Variants in NLRP6 observed in about 807,000 individuals in gnomAD.
NLRP6 encodes NACHT, LRR and PYD domains-containing protein 6.
Under a neutral mutation model 70.9 loss-of-function variants are expected in NLRP6, and 55 were observed. That is an observed-to-expected ratio of 0.78 (90% CI 0.62 to 0.97). NLRP6 has a LOEUF of 0.97. Ranked by LOEUF, NLRP6 falls within the 50% of genes least tolerant of loss-of-function variation. The pLI, the probability that NLRP6 is intolerant of heterozygous loss-of-function variation, is 0.00. For synonymous variants in NLRP6, 652 were observed against 581.9 expected (o/e 1.12, Z -1.73); for missense variants, 1,241 against 1,238.3 (o/e 1.00, Z -0.03).
chr11:283,353 G>A (rs1039127619), intron 5 of NLRP6, among the ~76,000 whole-genome samples: 20 of 132,838 alleles, frequency 1.5e-4, no homozygotes, highest in Non-Finnish European at 1.7e-4. Flanking sequence ...TCGCTCTGTC[G>A]CCCAGGCTGG....
In NLRP6 at chr11:283,967, C is replaced by T. The variant is rs147701173; in HGVS notation, c.2199-263C>T. On this transcript the variant is annotated intron_variant, in intron 5 of 7. Coordinates refer to ENST00000534750, the MANE Select transcript of NLRP6 (RefSeq NM_001276700.2). ...GAGTTGGCCACCTCATCTTGGTGGA[C>T]GATTGTGCGGCAAACATGTTGAAAC... Among the ~76,000 whole-genome samples the T allele has an allele frequency of 6.5e-3, 986 of 152,006 alleles. 7 individuals carry two copies. The highest frequency in any genetic ancestry group is 0.011 in the Non-Finnish European group (760 of 67,968).
intron 1 of NLRP6, 51 bp from the exon 2 acceptor site, chr11:279,276 G>T: frequency 8.2e-7 from 1 of 1,226,172 alleles, no homozygotes; most frequent in Non-Finnish European, 1.0e-6. Context: ...GGGGGCGGGC[G>T]GGGGTCACCC....
rs1187063423 is a variant in NLRP6 at position 278,736 on chromosome 11, C to A, written c.29+138C>A. The A allele has an allele frequency of 2.3e-5, 13 of 562,526 alleles. No individual in the cohort carries two copies. The highest frequency in any genetic ancestry group is 3.9e-5 in the Non-Finnish European group (13 of 330,780). 34.8% of individuals were successfully genotyped at this position (562,526 alleles called of 1,614,324 possible). A position where few individuals can be genotyped will look rare whatever the true frequency, so the allele number is the denominator to read the frequency against. On this transcript the variant is annotated intron_variant, in intron 1 of 7. Coordinates refer to ENST00000534750, the MANE Select transcript of NLRP6 (RefSeq NM_001276700.2). The surrounding 1 kb of genome is among the most constrained non-coding windows in gnomAD (Gnocchi z 4.7). ...CCACCCTCACTCCCAGGCTCAGGAGCCAAGCACTGCCTCCCCACAGAGGGC... is the reference window on the plus strand; with the variant it reads ...CCACCCTCACTCCCAGGCTCAGGAGACAAGCACTGCCTCCCCACAGAGGGC...
Position 280,873 on chromosome 11 carries a change from C to A in NLRP6, c.1139C>A (p.Thr380Lys), listed in dbSNP as rs760226719. 9.3e-6 allele frequency: 15 copies of A among 1,613,284 alleles called. No homozygotes were observed. Among genetic ancestry groups the A allele is most frequent in the Non-Finnish European group, 1.3e-5 (15 of 1,179,946 alleles). The change falls in exon 4 of 8, where the codon ACG becomes AAG. Residue 380 changes from threonine (T) to lysine (K), a missense_variant. Thr to Lys is a moderately conservative substitution (Grantham distance 78, BLOSUM62 -1). Coordinates refer to ENST00000534750, the MANE Select transcript of NLRP6 (RefSeq NM_001276700.2). ...RAYRFVKENE[T>K]LFALCFVPFV... The stretch of plus-strand genomic sequence containing the variant: ...TACCGCTTCGTGAAGGAGAACGAGA[C>A]GCTGTTCGCGCTGTGCTTCGTGCCC...
chr11:279,190 C>T, intron 1 of NLRP6, 137 bp from the exon 2 acceptor site: 1 of 761,252 alleles, frequency 1.3e-6, no homozygotes. Flanking sequence ...CCTCCCGCCA[C>T]CCCATGGATC....
Position 279,845 on chromosome 11 carries a change from G to A in NLRP6, c.322G>A (p.Gly108Ser), listed in dbSNP as rs765169020. 94 of 1,569,540 alleles carry A rather than the reference G, an allele frequency of 6.0e-5. No homozygotes were observed. The highest frequency in any genetic ancestry group is 8.0e-5 in the Non-Finnish European group (93 of 1,161,716). ...AGTTTCCCTTCCAGGGCTCGGGCTC[G>A]GCTCCGGGACGCTGCTCTCCGTGTC... ...QERRLQRLGL[G>S]SGTLLSVSEY... Residue 108 changes from glycine (G) to serine (S), a missense_variant, in exon 3 of 8, where the codon GGC becomes AGC. By Grantham distance (56) the Gly-to-Ser change is moderately conservative. Coordinates refer to ENST00000534750, the MANE Select transcript of NLRP6 (RefSeq NM_001276700.2).
Position 280,264 on chromosome 11 carries a change from C to T in NLRP6, c.530C>T (p.Ser177Leu). 6.6e-7 allele frequency: 1 copy of T among 1,519,204 alleles called. No individual in the cohort carries two copies. Among genetic ancestry groups the T allele is most frequent in the East Asian group, 2.5e-5 (1 of 39,926 alleles). The allele number at this position is 1,519,204 out of a possible 1,614,324, so 94.1% of individuals were successfully genotyped here. Residue 177 changes from serine to leucine, a missense_variant, in exon 4 of 8, where the codon TCG becomes TTG. By Grantham distance (145) the Ser-to-Leu change is moderately radical. Transcript: ENST00000534750. Reference protein sequence around the residue: ...EEPEPGRARRSDTHTFNRLFR... With the variant: ...EEPEPGRARRLDTHTFNRLFR... ...CCTGAGCCGGGGCGCGCGCGGCGCT[C>T]GGACACGCACACTTTCAACCGCCTC...
Position 280,109 on chromosome 11 carries a change from C to A in NLRP6, c.375C>A (p.His125Gln), listed in dbSNP as rs1460635714. The stretch of plus-strand genomic sequence containing the variant: ...AGTACAAGAAGAAGTACCGGGAGCA[C>A]GTGCTGCAGCTGCACGCTCGGGTGA... ...VSEYKKKYRE[H>Q]VLQLHARVKE... The change falls in exon 4 of 8, where the codon CAC (histidine) becomes CAA (glutamine). Residue 125 changes from histidine to glutamine, a missense_variant. Transcript: ENST00000534750. 6 of 1,522,686 alleles carry A rather than the reference C, an allele frequency of 3.9e-6. No homozygotes were observed. In the South Asian group the frequency reaches 5.0e-5, roughly 13 times the overall value. The allele number at this position is 1,522,686 out of a possible 1,614,324, so 94.3% of individuals were successfully genotyped here. A position where few individuals can be genotyped will look rare whatever the true frequency, so the allele number is the denominator to read the frequency against.
chr11:280,219 C>T lies in NLRP6; in HGVS notation c.485C>T (p.Ala162Val), dbSNP rs1253547682. 3.2e-6 allele frequency: 5 copies of T among 1,545,484 alleles called. No individual in the cohort carries two copies. Among genetic ancestry groups the T allele is most frequent in the Non-Finnish European group, 4.4e-6 (5 of 1,145,344 alleles). The change falls in exon 4 of 8, where the codon GCG becomes GTG. Residue 162 changes from alanine to valine, a missense_variant. Physicochemically the swap from Ala to Val is moderately conservative, Grantham distance 64. Coordinates refer to ENST00000534750, the MANE Select transcript of NLRP6 (RefSeq NM_001276700.2). ...IAPESAAPEE[A>V]MGPAEEPEPG... is the part of the protein sequence containing the mutation. ...CCCGAGAGCGCCGCCCCGGAGGAGG[C>T]GATGGGGCCCGCGGAAGAGCCTGAG...
Position 281,510 on chromosome 11 carries a change from G to A in NLRP6, c.1776G>A (p.Glu592=), listed in dbSNP as rs764837151. The A allele has an allele frequency of 1.1e-5, 17 of 1,604,992 alleles. No homozygotes were observed. The highest frequency in any genetic ancestry group is 2.2e-5 in the South Asian group (2 of 89,780). ...AGGGCTGCCCCGGAGTGGCACCAGA[G>A]GTGACCGAGGGGGCCAAAGGGCTCG... The part of the protein sequence containing the change: ...QGQGCPGVAP[E]VTEGAKGLED... Residue 592 remains glutamate (E), a synonymous_variant, in exon 4 of 8, where the codon GAG becomes GAA. Transcript: ENST00000534750.
In NLRP6 at chr11:279,430, G is replaced by A. The variant is rs1277467014; in HGVS notation, c.133G>A (p.Gly45Ser). ...CTTCCGCCACAAGCTGCGCGACGTG[G>A]GCCCGGACGGACGCAGCATCCCGTG... ...KRFRHKLRDV[G>S]PDGRSIPWGR... The change falls in exon 2 of 8, where the codon GGC becomes AGC. Residue 45 changes from glycine to serine, a missense_variant. Gly to Ser is a moderately conservative substitution (Grantham distance 56). Coordinates refer to ENST00000534750, the MANE Select transcript of NLRP6 (RefSeq NM_001276700.2). The A allele has an allele frequency of 1.0e-5, 14 of 1,385,484 alleles. No homozygotes were observed. Among genetic ancestry groups the A allele is most frequent in the Non-Finnish European group, 1.3e-5 (14 of 1,072,690 alleles). 85.8% of individuals were successfully genotyped at this position (1,385,484 alleles called of 1,614,324 possible).
chr11:282,771 C>G lies in NLRP6; in HGVS notation c.2172C>G (p.Asp724Glu), dbSNP rs1484944639. 1 of 1,613,590 alleles carries G rather than the reference C, an allele frequency of 6.2e-7. No homozygotes were observed. Among genetic ancestry groups the G allele is most frequent in the African/African-American group, 1.3e-5 (1 of 74,914 alleles). The change falls in exon 5 of 8, where the codon GAC (aspartate) becomes GAG (glutamate). Residue 724 changes from aspartate to glutamate, a missense_variant. Asp to Glu is a conservative substitution (Grantham distance 45). Transcript: ENST00000534750. ...LLHPLFQAMT[D>E]PLCHLSSLTL... The stretch of plus-strand genomic sequence containing the variant: ...ATCCACTCTTTCAGGCAATGACTGA[C>G]CCACTGTGCCATCTGAGCAGCCTCA...
At position 285,294 on chromosome 11, in the gene NLRP6, C is replaced by T. The variant is rs776079117; in HGVS notation, c.2666C>T (p.Ser889Leu). The T allele has an allele frequency of 1.9e-6, 3 of 1,608,958 alleles. No homozygotes were observed. Among genetic ancestry groups the T allele is most frequent in the African/African-American group, 1.3e-5 (1 of 74,838 alleles). ...GHPQPPKELI[S>L]TF ...CCACAACCTCCCAAGGAACTCATCT[C>T]GACCTTCTGAGGCTCTGGTGGCCAG... The change falls in exon 8 of 8, where the codon TCG becomes TTG. Residue 889 changes from serine to leucine, a missense_variant. Coordinates refer to ENST00000534750, the MANE Select transcript of NLRP6 (RefSeq NM_001276700.2).
At chr11:279,755 C>T in intron 2 of NLRP6, 79 bp from the exon 3 acceptor site, 1 of 1,472,000 alleles carries the variant, frequency 6.8e-7, no homozygotes, top group Non-Finnish European at 9.1e-7. Context: ...CCTGCGTGCT[C>T]CTCAGGGTGA....
intron 7 of NLRP6, 56 bp from the exon 8 acceptor site, chr11:285,110 G>A (rs12292748): frequency 0.028 from 43,604 of 1,538,088 alleles, 1,807 homozygotes; most frequent in South Asian, 0.15. Flanking sequence ...CTGCCCCCAA[G>A]CCCTGGCTGC....
At position 280,607 on chromosome 11, in the gene NLRP6, G is replaced by T. The variant is rs528415741; in HGVS notation, c.873G>T (p.Glu291Asp). The T allele has an allele frequency of 6.9e-7, 1 of 1,447,910 alleles. No individual in the cohort carries two copies. The highest frequency in any genetic ancestry group is 9.0e-7 in the Non-Finnish European group (1 of 1,113,038). 89.7% of individuals were successfully genotyped at this position (1,447,910 alleles called of 1,614,324 possible). The change falls in exon 4 of 8, where the codon GAG (glutamate) becomes GAT (aspartate). Residue 291 changes from glutamate (E) to aspartate (D), a missense_variant. Transcript: ENST00000534750. ...AGCTGCCGGCGCTGGGGGGCCCCGA[G>T]GCCGCGCCCTGCACAGACCCCTTCG... ...ADELPALGGPEAAPCTDPFEA... is the reference protein window; with the variant it reads ...ADELPALGGPDAAPCTDPFEA...
At chr11:282,914 C>A in intron 5 of NLRP6, 117 bp downstream of exon 5, 2 of 763,152 alleles carry the variant, frequency 2.6e-6, no homozygotes, top group South Asian at 1.4e-5. Context: ...GAGCCTGAGG[C>A]CTGTGGGTGC....
intron 3 of NLRP6, 69 bp from the exon 4 acceptor site, chr11:280,015 G>A (rs565955851): frequency 4.3e-4 from 609 of 1,420,622 alleles, no homozygotes; most frequent in Non-Finnish European, 5.3e-4. Flanking sequence ...GGGAGGGCGT[G>A]GGCTCCCGGA....
In NLRP6 at chr11:281,623, A is replaced by T. The variant is rs530558900; in HGVS notation, c.1889A>T (p.Glu630Val). ...CTGTACTGCCTGTACGAGACGCAGG[A>T]GGACGCGTTTGTGCGCCAAGCCCTG... ...ELLYCLYETQ[E>V]DAFVRQALCR... The change falls in exon 4 of 8, where the codon GAG (glutamate) becomes GTG (valine). Residue 630 changes from glutamate (E) to valine (V), a missense_variant. By Grantham distance (121) the Glu-to-Val change is moderately radical (BLOSUM62 -2). Transcript: ENST00000534750. The T allele has an allele frequency of 6.2e-7, 1 of 1,612,840 alleles. No individual in the cohort carries two copies. The highest frequency in any genetic ancestry group is 1.3e-5 in the African/African-American group (1 of 75,060).
Sources: gnomAD v4.1 joint callset for allele counts (sites outside exome capture counted in the v4.1 genomes callset) on GRCh38, gnomAD v4.1.1 for gene constraint, Gnocchi (gnomAD v3.1) non-coding constraint, MANE v1.5 for transcripts, NCBI Gene and HGNC (gene_info 2026-07-23, HGNC 2026-07-21) for gene names.